FMN1: variants seen among roughly 807,000 people sequenced by gnomAD.
The protein encoded by FMN1 is formin 1, also known as formin-1.
A neutral mutation model predicts 132.4 loss-of-function variants in FMN1; 110 were observed. The ratio of observed to expected loss-of-function variants is 0.83; its 90% CI spans 0.71 to 0.97. FMN1 has a LOEUF of 0.97. FMN1 is among the 50% of genes least tolerant of loss of function. The pLI is 0.00. For synonymous variants in FMN1, 722 were observed against 651.7 expected (o/e 1.11, Z -1.64); for missense variants, 1,792 against 1,705.3 (o/e 1.05, Z -0.90).
At chr15:33,039,863 T>C (rs2036349209) in intron 6 of FMN1, among the ~76,000 whole-genome samples, 1 of 152,220 alleles carries the variant, frequency 6.6e-6, no homozygotes, top group South Asian at 2.1e-4. Context: ...TCTGGACTAC[T>C]ATTAGAAACC....
chr15:33,139,162 G>A (rs1963897890), intron 4 of FMN1, among the ~76,000 whole-genome samples: 1 of 152,194 alleles, frequency 6.6e-6, no homozygotes, highest in South Asian at 2.1e-4. Context: ...TTGACTATGA[G>A]TCTAATAATT....
At chr15:33,014,162 C>A (rs2034900267) in intron 6 of FMN1, among the ~76,000 whole-genome samples, 1 of 152,220 alleles carries the variant, frequency 6.6e-6, no homozygotes, top group South Asian at 2.1e-4. Context: ...TTGGTGAATG[C>A]TCACTTTGAG....
chr15:32,956,341 T>C (rs1404598179), intron 9 of FMN1, among the ~76,000 whole-genome samples: 2 of 151,066 alleles, frequency 1.3e-5, no homozygotes, highest in Non-Finnish European at 2.9e-5. Context: ...ATATTCATAT[T>C]TGACAAGTCC....
chr15:33,129,340 T>C (rs1029588868), intron 4 of FMN1, among the ~76,000 whole-genome samples: 1 of 152,196 alleles, frequency 6.6e-6, no homozygotes, highest in African/African-American at 2.4e-5. Context: ...TCACTAAACT[T>C]AACTGAGCTG....
At chr15:32,922,767 C>A (rs151069498) in intron 10 of FMN1, among the ~76,000 whole-genome samples, 2 of 152,318 alleles carry the variant, frequency 1.3e-5, no homozygotes, top group African/African-American at 4.8e-5. Flanking sequence ...CCTGTAAGTA[C>A]TTCTATTCCT....
chr15:32,969,860 GAAAACTATAAAGAAA>G (rs1440416768), intron 7 of FMN1, among the ~76,000 whole-genome samples: 1 of 152,102 alleles, frequency 6.6e-6, no homozygotes, highest in Non-Finnish European at 1.5e-5. Flanking sequence ...TTTCAAAAAA[GAAAACTATAAAGAAA>G]AAAATAGGTT....
intron 7 of FMN1, among the ~76,000 whole-genome samples, chr15:33,004,028 T>C (rs2034267284): frequency 6.6e-6 from 1 of 152,052 alleles, no homozygotes. Context: ...CCTTACACCT[T>C]ATACAAAAAT....
intron 14 of FMN1, among the ~76,000 whole-genome samples, chr15:32,899,538 A>G (rs2060244845): frequency 6.6e-6 from 1 of 152,196 alleles, no homozygotes; most frequent in African/African-American, 2.4e-5. Flanking sequence ...AGGCTCAGAG[A>G]GCTTGACAGT....
intron 16 of FMN1, chr15:32,860,706 A>G (rs556411592): frequency 6.6e-6 from 1 of 152,288 alleles, no homozygotes; most frequent in Non-Finnish European, 1.5e-5. Context: ...CCCAGACTCC[A>G]AGTGGGCTTT....
intron 19 of FMN1, among the ~76,000 whole-genome samples, chr15:32,780,912 A>G: frequency 6.6e-6 from 1 of 152,328 alleles, no homozygotes; most frequent in South Asian, 2.1e-4. Context: ...ATCTGTATTT[A>G]TATATGGATA....
chr15:32,899,837 CA>C (rs929308025), intron 14 of FMN1, 141 bp downstream of exon 14: 4 of 777,690 alleles, frequency 5.1e-6, no homozygotes, highest in East Asian at 2.8e-5. Context: ...AGAAAGCAAA[CA>C]AAAAAATGCA....
intron 16 of FMN1, among the ~76,000 whole-genome samples, chr15:32,880,373 CTT>C (rs2059739986): frequency 6.6e-6 from 1 of 152,138 alleles, no homozygotes; most frequent in East Asian, 1.9e-4. Flanking sequence ...TATAAAATCT[CTT>C]GTCCAAACGT....
Position 32,968,910 on chromosome 15 carries a change from G to A in FMN1, c.2791C>T (p.Pro931Ser). 1 of 707,412 alleles carries A rather than the reference G, an allele frequency of 1.4e-6. No homozygotes were observed. Among genetic ancestry groups the A allele is most frequent in the South Asian group, 1.9e-5 (1 of 52,514 alleles). The allele number at this position is 707,412 out of a possible 1,614,324, so 43.8% of individuals were successfully genotyped here. Residue 931 changes from proline (P) to serine (S), a missense_variant, in exon 8 of 21, where the codon CCT (proline) becomes TCT (serine). Around this residue, in one of 3 missense-constraint regions of FMN1, gnomAD observed 1,150 missense variants for 1,043.1 expected, o/e 1.10. Coordinates refer to ENST00000616417, the MANE Select transcript of FMN1 (RefSeq NM_001277313.2). ...PPPPPPPPPL[P>S]NSPAPPNPGG... is the part of the protein sequence containing the mutation. Reference sequence around the variant, plus strand: ...GGGTTGGGTGGGGCAGGGGAGTTAGGAAGTGGGGGTGGGGGTGGGGGTGGT... The same window carrying A: ...GGGTTGGGTGGGGCAGGGGAGTTAGAAAGTGGGGGTGGGGGTGGGGGTGGT...
intron 6 of FMN1, among the ~76,000 whole-genome samples, chr15:33,049,953 A>C (rs2036890809): frequency 6.6e-6 from 1 of 152,208 alleles, no homozygotes; most frequent in African/African-American, 2.4e-5. Context: ...ACTCCTTTAA[A>C]TTTAATTCAG....
intron 17 of FMN1, among the ~76,000 whole-genome samples, chr15:32,828,868 A>G (rs1446413362): frequency 6.6e-6 from 1 of 152,190 alleles, no homozygotes. Flanking sequence ...TTACTTAAGG[A>G]TTTCAGAATT....
chr15:32,828,720 C>A (rs1317792178), intron 17 of FMN1, among the ~76,000 whole-genome samples: 4 of 152,154 alleles, frequency 2.6e-5, no homozygotes, highest in African/African-American at 7.2e-5. Flanking sequence ...TTTAGCCCTA[C>A]CACTTGGCTC....
intron 17 of FMN1, among the ~76,000 whole-genome samples, chr15:32,806,011 G>C (rs573924963): frequency 6.6e-6 from 1 of 152,158 alleles, no homozygotes; most frequent in African/African-American, 2.4e-5. Flanking sequence ...TCTACAATCA[G>C]AAGATATATT....
chr15:33,024,760 T>C (rs2035588708), intron 6 of FMN1, among the ~76,000 whole-genome samples: 1 of 152,132 alleles, frequency 6.6e-6, no homozygotes, highest in South Asian at 2.1e-4. Flanking sequence ...ATACAAATAT[T>C]AAAAAGAACA....
intron 3 of FMN1, among the ~76,000 whole-genome samples, chr15:33,160,447 G>A (rs1217965226): frequency 6.6e-6 from 1 of 152,118 alleles, no homozygotes; most frequent in Non-Finnish European, 1.5e-5. Context: ...TTTAGACCAG[G>A]GCAAACTCTT....
Sources: allele counts gnomAD v4.1 joint callset (sites outside exome capture counted in the v4.1 genomes callset), GRCh38; gene constraint gnomAD v4.1.1; regional missense constraint gnomAD v4.1.1; transcripts MANE v1.5; gene names NCBI Gene and HGNC (gene_info 2026-07-23, HGNC 2026-07-21).